CSGALNACT1: variants seen among roughly 807,000 people sequenced by gnomAD.
The protein encoded by CSGALNACT1 is chondroitin sulfate N-acetylgalactosaminyltransferase 1, also known as beta4GalNAcT-1.
CSGALNACT1 carries 52 observed loss-of-function variants against 51.0 expected under a neutral mutation model. That is an observed-to-expected ratio of 1.02 (90% CI 0.82 to 1.29). The LOEUF (loss-of-function observed/expected upper bound fraction) is 1.29, where lower values mean the gene tolerates loss of function less well. Among genes scored for constraint, CSGALNACT1 ranks in the 50% most tolerant of loss-of-function variants. The pLI is 0.00. For synonymous variants in CSGALNACT1, 341 were observed against 254.4 expected (o/e 1.34, Z -3.24); for missense variants, 935 against 679.2 (o/e 1.38, Z -4.19).
At chr8:19,622,626 T>G (rs1217812578) in intron 1 of CSGALNACT1, among the ~76,000 whole-genome samples, 1 of 152,186 alleles carries the variant, frequency 6.6e-6, no homozygotes, top group Non-Finnish European at 1.5e-5. Flanking sequence ...TTAAAGCCCT[T>G]GCATTGTCCA....
intron 1 of CSGALNACT1, among the ~76,000 whole-genome samples, chr8:19,649,220 A>T (rs1287240205): frequency 6.6e-6 from 1 of 152,206 alleles, no homozygotes; most frequent in African/African-American, 2.4e-5. Flanking sequence ...GCCCAGGATC[A>T]CAAAGTTGGT....
At chr8:19,655,559 T>TGCACATATATATACACAC (rs1564359796) in intron 1 of CSGALNACT1, among the ~76,000 whole-genome samples, 7 of 140,860 alleles carry the variant, frequency 5.0e-5, no homozygotes, top group Admixed American at 1.4e-4. Context: ...CACATATATA[T>TGCACATATATATACACAC]ACACACACAC....
At chr8:19,447,014 A>G (rs151113710) in intron 5 of CSGALNACT1, among the ~76,000 whole-genome samples, 5 of 152,280 alleles carry the variant, frequency 3.3e-5, no homozygotes, top group African/African-American at 7.2e-5. Flanking sequence ...TTAGACACCT[A>G]TATTTCTGTT....
At chr8:19,458,291 G>A (rs946835749) in intron 5 of CSGALNACT1, 135 bp downstream of exon 4, 34 of 848,502 alleles carry the variant, frequency 4.0e-5, no homozygotes, top group Non-Finnish European at 6.4e-5. Flanking sequence ...TAAACTTTAC[G>A]TGGAGAAAAC....
rs377041110 is a variant in CSGALNACT1, at chr8:19,728,716, C to G, written c.-297+29134G>C. Among the ~76,000 whole-genome samples the G allele has an allele frequency of 5.8e-4, 88 of 152,220 alleles. 1 individual carries two copies. The highest frequency in any genetic ancestry group is 2.1e-3 in the African/African-American group (87 of 41,548). ...ACGCTGCCTCTGCATAAAAAGGTGG[C>G]TTGTTAATTCATTTCTCGAGTTTTA... On this transcript the variant is annotated intron_variant, in intron 1 of 1. Transcript: ENST00000517494.
At chr8:19,458,064 C>T (rs778092256) in intron 5 of CSGALNACT1, among the ~76,000 whole-genome samples, 3 of 152,194 alleles carry the variant, frequency 2.0e-5, no homozygotes, top group Non-Finnish European at 4.4e-5. Flanking sequence ...GCTCCTCTCT[C>T]CTCCTCAAGA....
chr8:19,645,110 G>C (rs918976797), intron 1 of CSGALNACT1, among the ~76,000 whole-genome samples: 6 of 152,176 alleles, frequency 3.9e-5, no homozygotes, highest in African/African-American at 1.4e-4. Context: ...TAGACTGTCA[G>C]AGCAAAACAT....
intron 1 of CSGALNACT1, among the ~76,000 whole-genome samples, chr8:19,622,633 T>C (rs1408630304): frequency 6.6e-6 from 1 of 152,182 alleles, no homozygotes; most frequent in Non-Finnish European, 1.5e-5. Flanking sequence ...CCTTGCATTG[T>C]CCAGGAAGTG....
At chr8:19,632,106 C>T (rs184029563) in intron 1 of CSGALNACT1, among the ~76,000 whole-genome samples, 94 of 152,314 alleles carry the variant, frequency 6.2e-4, no homozygotes, top group African/African-American at 2.2e-3. Context: ...ATTAACTCTA[C>T]AAAGGTTTGG....
chr8:19,685,172 G>A (rs1332889363), upstream of CSGALNACT1, among the ~76,000 whole-genome samples: 1 of 152,180 alleles, frequency 6.6e-6, no homozygotes, highest in Admixed American at 6.5e-5. Context: ...GACGAAGCAA[G>A]GCCTGAACAA....
chr8:19,517,662 T>C (rs2154025979), intron 3 of CSGALNACT1, among the ~76,000 whole-genome samples: 2 of 152,200 alleles, frequency 1.3e-5, no homozygotes, highest in East Asian at 3.9e-4. Context: ...CAGTTCGTCT[T>C]ACAAGGCAGC....
chr8:19,671,799 C>T (rs1318238857), intron 1 of CSGALNACT1, among the ~76,000 whole-genome samples: 1 of 152,038 alleles, frequency 6.6e-6, no homozygotes, highest in African/African-American at 2.4e-5. Flanking sequence ...ATAGATTTAC[C>T]AAATTGAGAT....
At chr8:19,744,841 G>A (rs1007556025) in intron 1 of CSGALNACT1, among the ~76,000 whole-genome samples, 2 of 152,112 alleles carry the variant, frequency 1.3e-5, no homozygotes, top group African/African-American at 4.8e-5. Context: ...AGAACCTTCT[G>A]TGTCTACACA....
At chr8:19,558,563 A>G (rs1295901539) in intron 3 of CSGALNACT1, among the ~76,000 whole-genome samples, 2 of 152,196 alleles carry the variant, frequency 1.3e-5, no homozygotes, top group Non-Finnish European at 2.9e-5. Context: ...TCGAAATTAT[A>G]TCCTGTATTT....
At chr8:19,465,329 G>T (rs1248408102) in intron 4 of CSGALNACT1, among the ~76,000 whole-genome samples, 2 of 152,140 alleles carry the variant, frequency 1.3e-5, no homozygotes, top group East Asian at 1.9e-4. Context: ...AATAGAGGTT[G>T]CCAGGGGCTG....
At chr8:19,454,717 A>C (rs1225435104) in intron 5 of CSGALNACT1, among the ~76,000 whole-genome samples, 1 of 152,178 alleles carries the variant, frequency 6.6e-6, no homozygotes, top group Non-Finnish European at 1.5e-5. Flanking sequence ...GATGAGACAC[A>C]GAAGGCAGAA....
chr8:19,418,198 G>C (rs1051198302), intron 8 of CSGALNACT1, among the ~76,000 whole-genome samples: 8 of 152,174 alleles, frequency 5.3e-5, no homozygotes, highest in East Asian at 1.9e-4. Flanking sequence ...AGCACACTGG[G>C]AGTTTCCACT....
chr8:19,743,152 T>C (rs377539932), intron 1 of CSGALNACT1, among the ~76,000 whole-genome samples: 99 of 152,320 alleles, frequency 6.5e-4, no homozygotes, highest in African/African-American at 2.2e-3. Context: ...CTATTTGCAA[T>C]TGTGAAGGGA....
intron 4 of CSGALNACT1, among the ~76,000 whole-genome samples, chr8:19,474,541 A>G (rs367626604): frequency 1.3e-5 from 2 of 152,132 alleles, no homozygotes; most frequent in Non-Finnish European, 1.5e-5. Context: ...TGACCCATCA[A>G]TCCAATAACT....
Sources: allele counts gnomAD v4.1 joint callset (sites outside exome capture counted in the v4.1 genomes callset), GRCh38; gene constraint gnomAD v4.1.1; transcripts MANE v1.5; gene names NCBI Gene and HGNC (gene_info 2026-07-23, HGNC 2026-07-21).